AOAH: variants seen among roughly 807,000 people sequenced by gnomAD.
The protein encoded by AOAH is acyloxyacyl hydrolase (neutrophil).
In AOAH, 64 loss-of-function variants were observed where a neutral mutation model predicts 92.2. The observed-to-expected ratio is 0.69, with a 90% CI of 0.57 to 0.86. The LOEUF is 0.86. Among genes scored for constraint, AOAH ranks in the 40% least tolerant of loss-of-function variants. The probability of loss-of-function intolerance (pLI) is 0.00; values close to 1 mark genes in which losing one functional copy is unlikely to be tolerated. For synonymous variants in AOAH, 263 were observed against 254.5 expected (o/e 1.03, Z -0.32); for missense variants, 656 against 694.6 (o/e 0.94, Z 0.62).
At chr7:36,649,441 G>A (rs548963252) in intron 4 of AOAH, among the ~76,000 whole-genome samples, 5 of 152,318 alleles carry the variant, frequency 3.3e-5, no homozygotes, top group African/African-American at 1.2e-4. Context: ...GCCTAGCTGG[G>A]AAGGTGACTG....
chr7:36,567,186 C>G (rs1162867815), intron 13 of AOAH, among the ~76,000 whole-genome samples: 1 of 152,156 alleles, frequency 6.6e-6, no homozygotes, highest in Non-Finnish European at 1.5e-5. Context: ...CCCAATGCCC[C>G]CAATCGAATT....
chr7:36,701,460 A>T (rs57204696), intron 1 of AOAH, among the ~76,000 whole-genome samples: 1 of 150,596 alleles, frequency 6.6e-6, no homozygotes, highest in African/African-American at 2.4e-5. Flanking sequence ...GTTCATATAC[A>T]TAATTAATAT....
At chr7:36,527,403 G>A (rs1300858011) in intron 19 of AOAH, among the ~76,000 whole-genome samples, 9 of 152,346 alleles carry the variant, frequency 5.9e-5, no homozygotes, top group Non-Finnish European at 1.3e-4. Flanking sequence ...CAGGACTGCA[G>A]ACTTAATAAG....
In AOAH at chr7:36,554,219, A is replaced by T. The variant is rs371214193; in HGVS notation, c.1022-4744T>A. Among the ~76,000 whole-genome samples the T allele has an allele frequency of 5.3e-5, 8 of 152,212 alleles. No individual in the cohort carries two copies. In the South Asian group the frequency reaches 1.7e-3, roughly 32 times the overall value. On this transcript the variant is annotated intron_variant, in intron 13 of 20. Coordinates refer to ENST00000617537, the MANE Select transcript of AOAH (RefSeq NM_001637.4). ...CTGCATATGGCTAGCCAGTTTTCCC[A>T]GCACCATTTATTAAATAGGGAGTCC...
intron 6 of AOAH, among the ~76,000 whole-genome samples, chr7:36,627,722 T>C (rs1018047412): frequency 2.1e-4 from 32 of 152,288 alleles, no homozygotes; most frequent in African/African-American, 6.3e-4. Context: ...TTCAGATTTC[T>C]GGCCACACGA....
intron 4 of AOAH, among the ~76,000 whole-genome samples, chr7:36,646,937 C>T (rs540330907): frequency 6.6e-6 from 1 of 152,228 alleles, no homozygotes; most frequent in East Asian, 1.9e-4. Context: ...GTAACAGACA[C>T]AGTTACGAGG....
intron 4 of AOAH, among the ~76,000 whole-genome samples, chr7:36,643,032 A>G (rs1338539808): frequency 6.6e-6 from 1 of 152,256 alleles, no homozygotes; most frequent in Non-Finnish European, 1.5e-5. Flanking sequence ...TAAGCATGAC[A>G]TTAGTATTAA....
chr7:36,620,278 T>C (rs1209367617), intron 9 of AOAH, among the ~76,000 whole-genome samples: 1 of 152,208 alleles, frequency 6.6e-6, no homozygotes, highest in Non-Finnish European at 1.5e-5. Flanking sequence ...TCTTCCCTTT[T>C]CTTTCCCCGG....
chr7:36,553,354 T>G (rs1786428301), intron 13 of AOAH, among the ~76,000 whole-genome samples: 1 of 152,222 alleles, frequency 6.6e-6, no homozygotes, highest in Non-Finnish European at 1.5e-5. Flanking sequence ...CCATGGTGTA[T>G]ATGTGCCACA....
At chr7:36,641,744 C>T (rs905821716) in intron 4 of AOAH, among the ~76,000 whole-genome samples, 7 of 152,162 alleles carry the variant, frequency 4.6e-5, no homozygotes, top group Non-Finnish European at 1.0e-4. Context: ...TAGGTGAGGA[C>T]GGTAACAGTT....
chr7:36,627,131 C>A (rs1022854730), intron 6 of AOAH, among the ~76,000 whole-genome samples: 4 of 152,118 alleles, frequency 2.6e-5, no homozygotes, highest in Non-Finnish European at 5.9e-5. Context: ...AGATACAGTT[C>A]CTACAGTTCC....
chr7:36,608,903 G>A (rs1040879148), intron 11 of AOAH, among the ~76,000 whole-genome samples: 3 of 129,762 alleles, frequency 2.3e-5, no homozygotes, highest in Admixed American at 7.6e-5. Context: ...GAGCTGTTGC[G>A]GCGGGGAGGG....
chr7:36,680,588 G>T (rs1796585283), intron 2 of AOAH, among the ~76,000 whole-genome samples: 1 of 152,150 alleles, frequency 6.6e-6, no homozygotes, highest in Non-Finnish European at 1.5e-5. Context: ...GAAATCCTTA[G>T]CTAGGAGAAC....
rs147438510 is a variant in AOAH, at chr7:36,522,089, C to T, written c.1549G>A (p.Gly517Arg). The change falls in exon 20 of 21, where the codon GGA becomes AGA. Residue 517 changes from glycine (G) to arginine (R), a missense_variant. Coordinates refer to ENST00000617537, the MANE Select transcript of AOAH (RefSeq NM_001637.4). ...GGCTCGATGAGCTGCCAGGGCTGTC[C>T]GCCTCTCTTCTGCCACTCCTGTATG... Reference protein sequence around the residue: ...EIIQEWQKRGGQPWQLIEPVD... With the variant: ...EIIQEWQKRGRQPWQLIEPVD... 4.2e-5 allele frequency: 68 copies of T among 1,614,084 alleles called. No individual in the cohort carries two copies. Among genetic ancestry groups the T allele is most frequent in the Middle Eastern group, 1.6e-4 (1 of 6,084 alleles).
Position 36,532,073 on chromosome 7 carries a change from C to G in AOAH, c.1425+74G>C. The G allele has an allele frequency of 4.5e-6, 7 of 1,549,848 alleles. No homozygotes were observed. The South Asian group carries it at 7.8e-5, about 17-fold the overall frequency. On this transcript the variant is annotated intron_variant, in intron 18 of 20. Coordinates refer to ENST00000617537, the MANE Select transcript of AOAH (RefSeq NM_001637.4). ...CCATCTGCCTGCCAGGATCCCATCC[C>G]CAGTGAAAACTCTGCAGCAAACACA...
At chr7:36,517,230 C>CTTTCTTTCTTTG (rs1205876365) in intron 20 of AOAH, among the ~76,000 whole-genome samples, 1 of 83,106 alleles carries the variant, frequency 1.2e-5, no homozygotes, top group African/African-American at 5.2e-5. Context: ...CTTTCTGTCT[C>CTTTCTTTCTTTG]TCTCTCTCTC....
At chr7:36,631,153 C>T (rs1180427020) in intron 6 of AOAH, among the ~76,000 whole-genome samples, 1 of 152,066 alleles carries the variant, frequency 6.6e-6, no homozygotes, top group African/African-American at 2.4e-5. Flanking sequence ...CAAGACCAGC[C>T]TGGCCAAAGT....
At chr7:36,653,893 C>T (rs531551125) in intron 4 of AOAH, among the ~76,000 whole-genome samples, 20 of 152,302 alleles carry the variant, frequency 1.3e-4, no homozygotes, top group African/African-American at 4.8e-4. Flanking sequence ...ACGGGAGTGG[C>T]TTAAAGCTAA....
chr7:36,694,337 A>T (rs1004975023), intron 1 of AOAH, among the ~76,000 whole-genome samples: 2 of 151,994 alleles, frequency 1.3e-5, no homozygotes, highest in African/African-American at 4.8e-5. Context: ...TCCCTGTTAA[A>T]AATACAAAAA....
Sources: allele counts gnomAD v4.1 joint callset (sites outside exome capture counted in the v4.1 genomes callset), GRCh38; gene constraint gnomAD v4.1.1; transcripts MANE v1.5; gene names NCBI Gene and HGNC (gene_info 2026-07-23, HGNC 2026-07-21).